The following PAK3 variants were observed in gnomAD, a reference collection of about 807,000 sequenced individuals.
The protein encoded by PAK3 is p21 (RAC1) activated kinase 3, also known as serine/threonine-protein kinase PAK 3.
PAK3 carries 4 observed loss-of-function variants against 41.0 expected under a neutral mutation model. The ratio of observed to expected loss-of-function variants is 0.10; its 90% CI spans 0.05 to 0.22. PAK3 has a LOEUF of 0.22. PAK3 is among the 10% of genes least tolerant of loss of function. The probability of loss-of-function intolerance (pLI) is 1.00; values close to 1 mark genes in which losing one functional copy is unlikely to be tolerated. For missense variants in PAK3, 205 were observed against 409.9 expected, an observed-to-expected ratio of 0.50 and a Z score of 4.32; for synonymous variants, 146 against 139.6, an observed-to-expected ratio of 1.05 and a Z score of -0.32.
chrX:111,155,285 G>A (rs766525371), intron 8 of PAK3, among the ~76,000 whole-genome samples: 1 of 110,039 alleles, frequency 9.1e-6, no homozygotes, highest in East Asian at 2.9e-4. Flanking sequence ...CAGATCGCTT[G>A]AGCCTAGGAG....
chrX:111,039,508 C>A (rs945338205), intron 1 of PAK3, among the ~76,000 whole-genome samples: 1 of 111,848 alleles, frequency 8.9e-6, no homozygotes, highest in African/African-American at 3.2e-5. Context: ...CCACCCTCCA[C>A]CACCTGTCAC....
intron 1 of PAK3, among the ~76,000 whole-genome samples, chrX:111,005,683 C>T (rs1053093648): frequency 1.8e-5 from 2 of 111,486 alleles, no homozygotes; most frequent in Admixed American, 1.9e-4. Flanking sequence ...TTGCTATATC[C>T]CCGGTGTTCT....
intron 5 of PAK3, among the ~76,000 whole-genome samples, chrX:111,131,562 A>AT (rs1236012137): frequency 9.0e-6 from 1 of 111,396 alleles, no homozygotes; most frequent in African/African-American, 3.3e-5. Context: ...TGCAAAAAAA[A>AT]AAATAAATTT....
intron 5 of PAK3, among the ~76,000 whole-genome samples, chrX:111,123,577 AT>A (rs2093608956): frequency 8.9e-6 from 1 of 112,574 alleles, no homozygotes; most frequent in African/African-American, 3.2e-5. Context: ...TTTCTTTCTG[AT>A]AATGTAGAGT....
chrX:111,188,522 G>T (rs1188917343), intron 11 of PAK3, among the ~76,000 whole-genome samples: 5 of 111,852 alleles, frequency 4.5e-5, no homozygotes, highest in Non-Finnish European at 9.4e-5. Flanking sequence ...GGGGAGAAAG[G>T]ATGTGGAACC....
At chrX:110,970,019 A>C (rs2091173013) in intron 1 of PAK3, among the ~76,000 whole-genome samples, 1 of 112,194 alleles carries the variant, frequency 8.9e-6, no homozygotes, top group South Asian at 3.7e-4. Context: ...ATTTCAACAT[A>C]CAAGTCCTGT....
chrX:111,180,929 G>A (rs2094455684), intron 11 of PAK3, among the ~76,000 whole-genome samples: 1 of 111,576 alleles, frequency 9.0e-6, no homozygotes, highest in South Asian at 3.7e-4. Context: ...CCTAAAAGTG[G>A]AATTGTTATG....
At chrX:111,054,606 C>G (rs946611743) in intron 1 of PAK3, among the ~76,000 whole-genome samples, 2 of 111,807 alleles carry the variant, frequency 1.8e-5, no homozygotes, top group African/African-American at 6.5e-5. Context: ...TCTCCATACA[C>G]TGTGAGCCAG....
intron 1 of PAK3, among the ~76,000 whole-genome samples, chrX:110,981,098 G>A (rs763189582): frequency 2.1e-4 from 23 of 111,637 alleles, no homozygotes; most frequent in Non-Finnish European, 4.3e-4. Flanking sequence ...GAAGGTCAGA[G>A]AATAACATTT....
chrX:111,101,641 C>T (rs2093140728), intron 3 of PAK3, among the ~76,000 whole-genome samples: 1 of 112,149 alleles, frequency 8.9e-6, no homozygotes, highest in Non-Finnish European at 1.9e-5. Context: ...GCCATTCTTC[C>T]TGTGTCCTCC....
chrX:111,110,494 A>G (rs2093351235), intron 4 of PAK3, among the ~76,000 whole-genome samples: 1 of 112,154 alleles, frequency 8.9e-6, no homozygotes, highest in Non-Finnish European at 1.9e-5. Context: ...CAGTTTATCT[A>G]CAAATCGAAC....
chrX:111,158,120 G>C (rs1221255209), intron 8 of PAK3, among the ~76,000 whole-genome samples: 1 of 111,861 alleles, frequency 8.9e-6, no homozygotes, highest in Non-Finnish European at 1.9e-5. Context: ...AATATTTATA[G>C]GGTTTTAGGG....
At chrX:111,030,806 T>C (rs2092331313) in intron 1 of PAK3, among the ~76,000 whole-genome samples, 1 of 111,530 alleles carries the variant, frequency 9.0e-6, no homozygotes, top group Non-Finnish European at 1.9e-5. Context: ...CTTCTTTAAT[T>C]ACATTTTAAA....
intron 17 of PAK3, among the ~76,000 whole-genome samples, chrX:111,220,115 C>G (rs1186392059): frequency 9.0e-6 from 1 of 111,321 alleles, no homozygotes; most frequent in East Asian, 2.8e-4. Flanking sequence ...CTGTTGCAAA[C>G]ACAGTGAGGT....
At chrX:111,099,760 T>A (rs2093090019) in intron 3 of PAK3, among the ~76,000 whole-genome samples, 3 of 99,305 alleles carry the variant, frequency 3.0e-5, no homozygotes, top group African/African-American at 1.1e-4. Context: ...CTGGGACCCC[T>A]GTTGTGTTTG....
intron 6 of PAK3, among the ~76,000 whole-genome samples, chrX:111,146,369 G>A (rs1486188557): frequency 9.0e-6 from 1 of 111,551 alleles, no homozygotes; most frequent in Non-Finnish European, 1.9e-5. Context: ...TCCTGTCCCT[G>A]ATTTAGTTAA....
intron 1 of PAK3, among the ~76,000 whole-genome samples, chrX:110,980,332 T>G (rs1284218336): frequency 9.0e-6 from 1 of 111,661 alleles, no homozygotes. Context: ...TGGGTGGTCA[T>G]AGTTAAAATT....
chrX:111,172,539 T>C (rs2094356219), intron 10 of PAK3, among the ~76,000 whole-genome samples: 1 of 111,261 alleles, frequency 9.0e-6, no homozygotes, highest in Admixed American at 9.6e-5. Context: ...TTATTGTTCC[T>C]ATCTTTATAC....
intron 1 of PAK3, among the ~76,000 whole-genome samples, chrX:111,055,775 A>G (rs956612003): frequency 8.9e-6 from 1 of 111,825 alleles, no homozygotes; most frequent in Non-Finnish European, 1.9e-5. Context: ...GCCAGGGAGC[A>G]AACATCAGTC....
Sources: gnomAD v4.1 joint callset for allele counts (sites outside exome capture counted in the v4.1 genomes callset) on GRCh38, gnomAD v4.1.1 for gene constraint, MANE v1.5 for transcripts, NCBI Gene and HGNC (gene_info 2026-07-23, HGNC 2026-07-21) for gene names.